The following SLC39A11 variants were observed in gnomAD, a reference collection of about 807,000 sequenced individuals.
SLC39A11 encodes the protein solute carrier family 39 member 11, also known as zinc transporter ZIP11.
SLC39A11 carries 33 observed loss-of-function variants against 36.1 expected under a neutral mutation model. The observed-to-expected ratio is 0.91, with a 90% CI of 0.69 to 1.22. SLC39A11 has a LOEUF of 1.22. SLC39A11 is among the 50% of genes most tolerant of loss of function. SLC39A11 has a pLI of 0.00. For missense variants in SLC39A11, 432 were observed against 430.3 expected (o/e 1.00, Z -0.03); for synonymous variants, 166 against 170.3 (o/e 0.97, Z 0.20).
intron 7 of SLC39A11, among the ~76,000 whole-genome samples, chr17:72,672,628 C>A (rs115329315): frequency 0.019 from 2,845 of 152,198 alleles, 88 homozygotes; most frequent in African/African-American, 0.063. Context: ...GGGATAGGGT[C>A]TTGCTTTGTC....
At chr17:72,648,684 G>T in intron 9 of SLC39A11, 119 bp downstream of exon 9, 1 of 1,218,808 alleles carries the variant, frequency 8.2e-7, no homozygotes, top group East Asian at 2.5e-5. Flanking sequence ...ATCTTGGGAA[G>T]GGGCAGAGAG....
chr17:73,032,783 C>T (rs748811493), intron 3 of SLC39A11, among the ~76,000 whole-genome samples: 3 of 152,180 alleles, frequency 2.0e-5, no homozygotes, highest in East Asian at 1.9e-4. Flanking sequence ...CTAAAAAGGA[C>T]GAAGGGAACT....
At chr17:72,653,398 T>G (rs1299664072) in intron 7 of SLC39A11, among the ~76,000 whole-genome samples, 1 of 150,222 alleles carries the variant, frequency 6.7e-6, no homozygotes. Context: ...TATGAGCCAC[T>G]GCACCCTTTT....
intron 1 of SLC39A11, 173 bp downstream of exon 1, chr17:73,092,438 C>G (rs1555714097): frequency 1.3e-5 from 2 of 150,748 alleles, no homozygotes; most frequent in Non-Finnish European, 2.9e-5. Context: ...CACCCCGCCC[C>G]GACACCTGCC....
At chr17:72,758,710 T>C (rs373366959) in intron 6 of SLC39A11, among the ~76,000 whole-genome samples, 11 of 152,300 alleles carry the variant, frequency 7.2e-5, no homozygotes, top group Admixed American at 4.6e-4. Context: ...CTTGGTCACT[T>C]GAGCAGCCCA....
chr17:72,905,705 T>C (rs910866630), intron 5 of SLC39A11, among the ~76,000 whole-genome samples: 12 of 151,564 alleles, frequency 7.9e-5, no homozygotes, highest in Admixed American at 7.2e-4. Flanking sequence ...CAACATCTAC[T>C]GTCAACCCTG....
chr17:72,817,728 C>T (rs2077631290), intron 6 of SLC39A11: 1 of 152,246 alleles, frequency 6.6e-6, no homozygotes, highest in Non-Finnish European at 1.5e-5. Context: ...CTCCTGGGTC[C>T]TATTTCCAGC....
At chr17:73,015,700 G>A (rs570124898) in intron 4 of SLC39A11, among the ~76,000 whole-genome samples, 97 of 152,092 alleles carry the variant, frequency 6.4e-4, no homozygotes, top group Admixed American at 2.0e-3. Context: ...CTCGTGCCTT[G>A]GCCTCCCAAG....
intron 6 of SLC39A11, among the ~76,000 whole-genome samples, chr17:72,794,393 G>A (rs7502332): frequency 0.51 from 78,139 of 151,866 alleles, 22,452 homozygotes; most frequent in Non-Finnish European, 0.66. Flanking sequence ...CTTCTGTTGG[G>A]TCCCAGCCAA....
In SLC39A11 at chr17:72,696,401, G is replaced by A. The variant is rs552232693; in HGVS notation, c.671+40249C>T. ...TACCAGGACAGCTGCAAGAGGGGACGTGGCTAATACTAATCCCCATTCTAA... is the reference window on the plus strand; with the variant it reads ...TACCAGGACAGCTGCAAGAGGGGACATGGCTAATACTAATCCCCATTCTAA... On this transcript the variant is annotated intron_variant, in intron 7 of 9. Transcript: ENST00000255559. 3.9e-5 allele frequency among the ~76,000 whole-genome samples: 6 copies of A among 152,190 alleles called. No homozygotes were observed. In the South Asian group the frequency reaches 6.2e-4, roughly 16 times the overall value.
intron 5 of SLC39A11, among the ~76,000 whole-genome samples, chr17:72,876,745 TA>T (rs1275544306): frequency 6.6e-6 from 1 of 152,212 alleles, no homozygotes. Flanking sequence ...CCCTGCTATA[TA>T]AACCCCCTAA....
At chr17:72,763,297 A>G (rs1430091209) in intron 6 of SLC39A11, among the ~76,000 whole-genome samples, 2 of 152,228 alleles carry the variant, frequency 1.3e-5, no homozygotes, top group African/African-American at 4.8e-5. Flanking sequence ...GTTAAACCAT[A>G]CAAAATTGCT....
intron 2 of SLC39A11, 103 bp downstream of exon 2, chr17:73,088,554 C>A: frequency 1.2e-6 from 1 of 843,936 alleles, no homozygotes; most frequent in Non-Finnish European, 2.0e-6. Context: ...GGGGTGTGGC[C>A]AGGGGCACTG....
intron 7 of SLC39A11, among the ~76,000 whole-genome samples, chr17:72,695,146 C>T (rs1174971293): frequency 6.6e-6 from 1 of 152,148 alleles, no homozygotes; most frequent in East Asian, 1.9e-4. Flanking sequence ...TTTTGAGTTA[C>T]TCTGACCTCA....
At position 73,021,415 on chromosome 17, in the gene SLC39A11, C is replaced by T. The variant is rs1471885695; in HGVS notation, c.306+10141G>A. On this transcript the variant is annotated intron_variant, in intron 4 of 9. Transcript: ENST00000255559. ...AGTGTAGTGGTGCAATCTCGGCTCA[C>T]TACAACCTCTGCCTCCTGGGTTCAA... Among the ~76,000 whole-genome samples, 3 of 152,006 alleles carry T rather than the reference C, an allele frequency of 2.0e-5. No homozygotes were observed. In the East Asian group the frequency reaches 5.8e-4, roughly 29 times the overall value.
intron 6 of SLC39A11, among the ~76,000 whole-genome samples, chr17:72,804,680 G>A (rs2077195905): frequency 6.6e-6 from 1 of 152,174 alleles, no homozygotes; most frequent in Admixed American, 6.5e-5. Flanking sequence ...TGGCACCTCA[G>A]ACCAGTCATC....
intron 6 of SLC39A11, among the ~76,000 whole-genome samples, chr17:72,761,440 T>G (rs1344892117): frequency 6.6e-6 from 1 of 152,212 alleles, no homozygotes; most frequent in African/African-American, 2.4e-5. Flanking sequence ...TAAGTTCTAT[T>G]AAAGCATTTC....
At chr17:72,844,930 C>T (rs577947019) in intron 6 of SLC39A11, among the ~76,000 whole-genome samples, 31 of 152,324 alleles carry the variant, frequency 2.0e-4, no homozygotes, top group Admixed American at 5.2e-4. Context: ...CTGAAACCTC[C>T]GGGTCCCTCC....
intron 5 of SLC39A11, among the ~76,000 whole-genome samples, chr17:72,932,755 C>T (rs1183754379): frequency 5.3e-5 from 8 of 152,274 alleles, no homozygotes; most frequent in African/African-American, 1.7e-4. Context: ...ATATACTAGG[C>T]ACCATTCTAA....
Sources: allele counts gnomAD v4.1 joint callset (sites outside exome capture counted in the v4.1 genomes callset), GRCh38; gene constraint gnomAD v4.1.1; transcripts MANE v1.5; gene names NCBI Gene and HGNC (gene_info 2026-07-23, HGNC 2026-07-21).